The following RSRC1 variants were observed in gnomAD, a reference collection of about 807,000 sequenced individuals.
RSRC1 encodes the protein arginine and serine rich coiled-coil 1, also known as serine/Arginine-related protein 53.
RSRC1 carries 39 observed loss-of-function variants against 49.1 expected under a neutral mutation model. The ratio of observed to expected loss-of-function variants is 0.79; its 90% CI spans 0.61 to 1.04. The LOEUF (loss-of-function observed/expected upper bound fraction) is 1.04. Among genes scored for constraint, RSRC1 ranks in the 50% least tolerant of loss-of-function variants. RSRC1 has a pLI of 0.00. For missense variants in RSRC1, 388 were observed against 402.4 expected (o/e 0.96, Z 0.31); for synonymous variants, 143 against 130.8 (o/e 1.09, Z -0.63).
At chr3:158,284,434 T>A (rs1335552965) in intron 4 of RSRC1, among the ~76,000 whole-genome samples, 2 of 146,900 alleles carry the variant, frequency 1.4e-5, no homozygotes, top group African/African-American at 2.6e-5. Flanking sequence ...GGTCAAATGG[T>A]ATTTCTAGTT....
intron 4 of RSRC1, among the ~76,000 whole-genome samples, chr3:158,257,123 T>C (rs1275685625): frequency 6.6e-6 from 1 of 152,286 alleles, no homozygotes; most frequent in East Asian, 1.9e-4. Flanking sequence ...AGCTTTTGAA[T>C]GTGTTTGCTC....
At chr3:158,395,433 C>A (rs936383261) in intron 6 of RSRC1, among the ~76,000 whole-genome samples, 4 of 152,132 alleles carry the variant, frequency 2.6e-5, no homozygotes, top group African/African-American at 9.7e-5. Context: ...AACTACGCAT[C>A]TGACAAAGGT....
chr3:158,455,362 G>A (rs1035654095), intron 6 of RSRC1, among the ~76,000 whole-genome samples: 6 of 151,948 alleles, frequency 3.9e-5, no homozygotes, highest in South Asian at 4.2e-4. Context: ...TTTCTGAAAC[G>A]GCATGAGTCG....
chr3:158,306,343 A>G (rs1317626749), intron 5 of RSRC1, among the ~76,000 whole-genome samples: 3 of 151,644 alleles, frequency 2.0e-5, no homozygotes, highest in Admixed American at 2.0e-4. Flanking sequence ...TGGACTTTTT[A>G]TTTGTTCAGT....
chr3:158,280,912 G>A (rs1034981965), intron 4 of RSRC1, among the ~76,000 whole-genome samples: 1 of 152,054 alleles, frequency 6.6e-6, no homozygotes, highest in Admixed American at 6.6e-5. Context: ...CTCCCAAAGT[G>A]CTGGGATTAC....
At chr3:158,480,842 G>A (rs1272941558) in intron 7 of RSRC1, among the ~76,000 whole-genome samples, 1 of 152,002 alleles carries the variant, frequency 6.6e-6, no homozygotes, top group African/African-American at 2.4e-5. Flanking sequence ...TTATCATAAA[G>A]TACTATCCAG....
At chr3:158,240,289 T>C (rs987653583) in intron 4 of RSRC1, among the ~76,000 whole-genome samples, 1 of 152,142 alleles carries the variant, frequency 6.6e-6, no homozygotes, top group Non-Finnish European at 1.5e-5. Context: ...TAGTTAACCT[T>C]TCCTACTAAT....
At chr3:158,165,288 A>G (rs1309979425) in intron 3 of RSRC1, among the ~76,000 whole-genome samples, 1 of 152,236 alleles carries the variant, frequency 6.6e-6, no homozygotes. Flanking sequence ...AAGGTGAAGT[A>G]CAGAGATGAG....
intron 6 of RSRC1, among the ~76,000 whole-genome samples, chr3:158,386,150 A>G (rs1732954040): frequency 6.6e-6 from 1 of 152,124 alleles, no homozygotes. Flanking sequence ...TTTAGAAAAC[A>G]TACAGTATAT....
rs142408613 is a variant in RSRC1 at position 158,379,906 on chromosome 3, AT to A, written c.583+25008del. On this transcript the variant is annotated intron_variant, in intron 6 of 9. Transcript: ENST00000611884. ...TTACCACTGTTTCCATCTCTAGTTA[AT>A]TTTTTTTTTCAATATCTGTCTCTAC... Among the ~76,000 whole-genome samples, 193 of 147,532 alleles carry A rather than the reference AT, an allele frequency of 1.3e-3. 2 individuals are homozygous for A. Among genetic ancestry groups the A allele is most frequent in the African/African-American group, 4.4e-3 (177 of 40,096 alleles).
chr3:158,352,053 T>G (rs1405696099), intron 5 of RSRC1, among the ~76,000 whole-genome samples: 1 of 151,658 alleles, frequency 6.6e-6, no homozygotes, highest in African/African-American at 2.4e-5. Flanking sequence ...GAGGATTGCT[T>G]GAGGCCAGGA....
At chr3:158,235,229 C>A (rs909978252) in intron 4 of RSRC1, among the ~76,000 whole-genome samples, 8 of 150,680 alleles carry the variant, frequency 5.3e-5, no homozygotes, top group African/African-American at 1.7e-4. Context: ...TTTTTACATT[C>A]TGTCCCAGTC....
At chr3:158,381,934 A>G (rs967228967) in intron 6 of RSRC1, among the ~76,000 whole-genome samples, 4 of 152,204 alleles carry the variant, frequency 2.6e-5, no homozygotes, top group Non-Finnish European at 5.9e-5. Context: ...AAATTCATTT[A>G]AATTTTTTTT....
chr3:158,384,751 C>A (rs1301172062), intron 6 of RSRC1, among the ~76,000 whole-genome samples: 1 of 152,134 alleles, frequency 6.6e-6, no homozygotes, highest in Non-Finnish European at 1.5e-5. Flanking sequence ...CCTAGCCCCT[C>A]CTTCTTCTTG....
intron 4 of RSRC1, among the ~76,000 whole-genome samples, chr3:158,214,485 A>G (rs1044563378): frequency 3.3e-5 from 5 of 150,478 alleles, no homozygotes; most frequent in African/African-American, 1.2e-4. Context: ...TTATTTGTAC[A>G]TGTTTTTCTA....
Position 158,395,074 on chromosome 3 carries a change from A to G in RSRC1, c.583+40166A>G, listed in dbSNP as rs114006573. Among the ~76,000 whole-genome samples the G allele has an allele frequency of 8.8e-3, 1,339 of 152,264 alleles. 18 individuals are homozygous for G. The highest frequency in any genetic ancestry group is 0.031 in the African/African-American group (1,289 of 41,566). ...TTAACGAAGTCAACAAAAGCAAGCA[A>G]TGGGGAAAGGACTCCCTGTTCAATA... is the stretch of plus-strand genomic sequence containing the variant. On this transcript the variant is annotated intron_variant, in intron 6 of 9. Transcript: ENST00000611884.
chr3:158,316,324 T>C (rs1324545331), intron 5 of RSRC1, among the ~76,000 whole-genome samples: 1 of 152,132 alleles, frequency 6.6e-6, no homozygotes, highest in African/African-American at 2.4e-5. Flanking sequence ...TGGAAAGAGT[T>C]AGTGTAGCTC....
rs149764815 is a variant in RSRC1 at position 158,316,915 on chromosome 3, A to G, written c.531+18840A>G. 1.5e-4 allele frequency among the ~76,000 whole-genome samples: 23 copies of G among 152,300 alleles called. No homozygotes were observed. The East Asian group carries it at 4.2e-3, about 28-fold the overall frequency. On this transcript the variant is annotated intron_variant, in intron 5 of 9. Coordinates refer to ENST00000611884, the MANE Select transcript of RSRC1 (RefSeq NM_001271838.2). Reference sequence around the variant, plus strand: ...GTTTCAATTTACTATGTAACTTGAGAAATTAAAGATTTATTATTTAGTGCA... The same window carrying G: ...GTTTCAATTTACTATGTAACTTGAGGAATTAAAGATTTATTATTTAGTGCA...
chr3:158,385,026 G>A (rs1182044870), intron 6 of RSRC1, among the ~76,000 whole-genome samples: 2 of 152,124 alleles, frequency 1.3e-5, no homozygotes, highest in African/African-American at 2.4e-5. Context: ...GAAGGAGAAG[G>A]AAAAGGAAAA....
Sources: gnomAD v4.1 joint callset for allele counts (sites outside exome capture counted in the v4.1 genomes callset) on GRCh38, gnomAD v4.1.1 for gene constraint, MANE v1.5 for transcripts, NCBI Gene and HGNC (gene_info 2026-07-23, HGNC 2026-07-21) for gene names.